The following ZNF83 variants were observed in gnomAD, a reference collection of about 807,000 sequenced individuals.
ZNF83 encodes zinc finger protein 816B.
For missense variants in ZNF83, 552 were observed against 629.9 expected (o/e 0.88, Z 1.32); for synonymous variants, 209 against 213.0 (o/e 0.98, Z 0.17).
intron 1 of ZNF83, among the ~76,000 whole-genome samples, chr19:52,682,290 T>C (rs1190095118): frequency 6.6e-6 from 1 of 152,182 alleles, no homozygotes; most frequent in Non-Finnish European, 1.5e-5. Flanking sequence ...TCTCCCAAGA[T>C]GGGAGGATCC....
chr19:52,658,495 G>T (rs1216170048), intron 2 of ZNF83, among the ~76,000 whole-genome samples: 1 of 152,138 alleles, frequency 6.6e-6, no homozygotes, highest in East Asian at 1.9e-4. Flanking sequence ...GAATCCAGAG[G>T]CAGAGGCTGG....
rs570095266 is a variant in ZNF83 at position 52,671,993 on chromosome 19, G to A, written c.-282-11150C>T. On this transcript the variant is annotated intron_variant, in intron 1 of 5. Coordinates refer to the ZNF83 transcript ENST00000594682. ...CACACCTGTAATCCCAGCACTTTGGGAGGTCGAGGCAGGTGGATGACCCAG... is the reference window on the plus strand; with the variant it reads ...CACACCTGTAATCCCAGCACTTTGGAAGGTCGAGGCAGGTGGATGACCCAG... Among the ~76,000 whole-genome samples, 27 of 152,256 alleles carry A rather than the reference G, an allele frequency of 1.8e-4. No homozygotes were observed. In the South Asian group the frequency reaches 5.2e-3, roughly 29 times the overall value.
At chr19:52,613,978 T>C (rs776781367) in exon 3 of ZNF83, 66 of 1,613,252 alleles carry the variant, frequency 4.1e-5, no homozygotes, top group Non-Finnish European at 5.6e-5. Context: ...ATGAATTCTT[T>C]GATGTTGTGC....
intron 2 of ZNF83, chr19:52,618,071 T>TA (rs1397209006): frequency 3.3e-5 from 5 of 152,358 alleles, no homozygotes; most frequent in Admixed American, 1.3e-4. Flanking sequence ...TGGATATCTT[T>TA]AAAGTCTGCC....
rs1555790540 is a variant in ZNF83 at position 52,673,500 on chromosome 19, T to TCTCACACACACA, written c.-282-12658_-282-12657insTGTGTGTGTGAG. Among the ~76,000 whole-genome samples the TCTCACACACACA allele has an allele frequency of 2.4e-3, 361 of 149,026 alleles. 1 individual carries two copies. Among genetic ancestry groups the TCTCACACACACA allele is most frequent in the Non-Finnish European group, 4.1e-3 (274 of 67,096 alleles). On this transcript the variant is annotated intron_variant, in intron 1 of 5. Transcript: ENST00000594682. Reference sequence around the variant, plus strand: ...GGTACACAAGAAGAGTGTAACTCCATCACACACACACACACACACAAAATG... The same window carrying TCTCACACACACA: ...GGTACACAAGAAGAGTGTAACTCCATCTCACACACACACACACACACACACACACACAAAATG...
chr19:52,629,062 C>A (rs957748260), intron 2 of ZNF83, among the ~76,000 whole-genome samples: 1 of 151,826 alleles, frequency 6.6e-6, no homozygotes, highest in African/African-American at 2.4e-5. Flanking sequence ...CTCCTTCTCC[C>A]TTTCCTGTGT....
intron 2 of ZNF83, 101 bp from the exon 3 acceptor site, chr19:52,614,898 T>G (rs1452851953): frequency 9.3e-7 from 1 of 1,075,098 alleles, no homozygotes; most frequent in Non-Finnish European, 1.2e-6. Flanking sequence ...AATACTTATG[T>G]TAAAGAAAGT....
At chr19:52,628,699 T>C (rs1025771774) in intron 2 of ZNF83, among the ~76,000 whole-genome samples, 4 of 152,044 alleles carry the variant, frequency 2.6e-5, no homozygotes, top group African/African-American at 9.7e-5. Context: ...CTTCTCTCTG[T>C]GTCTCTACCC....
intron 1 of ZNF83, among the ~76,000 whole-genome samples, chr19:52,680,354 C>T (rs771904902): frequency 6.6e-6 from 1 of 152,086 alleles, no homozygotes; most frequent in Admixed American, 6.6e-5. Flanking sequence ...AAGCCCTCTG[C>T]GCAGGGTTCA....
At chr19:52,666,882 A>G (rs2061661316) in intron 1 of ZNF83, among the ~76,000 whole-genome samples, 1 of 152,222 alleles carries the variant, frequency 6.6e-6, no homozygotes, top group African/African-American at 2.4e-5. Context: ...TGGGTATTCA[A>G]TAAGTGATAA....
At chr19:52,670,455 A>G (rs1161616020) in intron 1 of ZNF83, among the ~76,000 whole-genome samples, 1 of 152,206 alleles carries the variant, frequency 6.6e-6, no homozygotes, top group East Asian at 1.9e-4. Context: ...CTGTGAGGGC[A>G]CAACCTTCTA....
chr19:52,679,726 G>A (rs147980891), intron 1 of ZNF83, among the ~76,000 whole-genome samples: 2 of 152,302 alleles, frequency 1.3e-5, no homozygotes, highest in Middle Eastern at 3.4e-3. Flanking sequence ...TTTCCAGGGC[G>A]CCTCTGCCTA....
At chr19:52,651,056 G>A (rs1301253848) in intron 3 of ZNF83, 1 of 152,198 alleles carries the variant, frequency 6.6e-6, no homozygotes, top group Non-Finnish European at 1.5e-5. Context: ...CTTGAACTGT[G>A]CATGTCTCCC....
chr19:52,680,295 C>A (rs142095303), intron 1 of ZNF83, among the ~76,000 whole-genome samples: 7 of 152,146 alleles, frequency 4.6e-5, no homozygotes, highest in African/African-American at 1.7e-4. Context: ...ATTTTCATCA[C>A]CCACAGACTC....
chr19:52,650,769 G>A (rs1401384294), intron 3 of ZNF83: 1 of 152,202 alleles, frequency 6.6e-6, no homozygotes, highest in Non-Finnish European at 1.5e-5. Context: ...GGACAAACTT[G>A]TTAGGAAGTG....
chr19:52,635,150 A>G lies in ZNF83; in HGVS notation c.-318T>C. 1.6e-6 allele frequency: 1 copy of G among 643,500 alleles called. No individual in the cohort carries two copies. Among genetic ancestry groups the G allele is most frequent in the Non-Finnish European group, 2.8e-6 (1 of 358,720 alleles). The allele number at this position is 643,500 out of a possible 1,614,324, so 39.9% of individuals were successfully genotyped here. A position where few individuals can be genotyped will look rare whatever the true frequency, so the allele number is the denominator to read the frequency against. ...CATGTACCAAGAGTCCTTAGAAGTC[A>G]ATCCTGAATGTTAAAAATATGTTGT... On this transcript the variant is annotated 5_prime_UTR_variant, in exon 2 of 3. An upstream open reading frame in the 5' UTR loses its in-frame stop. Coordinates refer to ENST00000301096, the Ensembl canonical transcript of ZNF83.
chr19:52,662,980 C>G (rs913644131), intron 1 of ZNF83, among the ~76,000 whole-genome samples: 9 of 151,882 alleles, frequency 5.9e-5, no homozygotes, highest in Non-Finnish European at 1.2e-4. Context: ...CTGGGCAACA[C>G]GGTGAAATCC....
upstream of ZNF83, among the ~76,000 whole-genome samples, chr19:52,643,362 A>G (rs1298369072): frequency 1.3e-5 from 1 of 76,376 alleles, no homozygotes; most frequent in Non-Finnish European, 3.2e-5. Flanking sequence ...CTCAAATAGA[A>G]AAAAAAAAAA....
chr19:52,613,828 G>A, exon 3 of ZNF83: 1 of 1,614,104 alleles, frequency 6.2e-7, no homozygotes, highest in Non-Finnish European at 8.5e-7. Context: ...TACAAGGTAG[G>A]AATTGCGACT....
Sources: gnomAD v4.1 joint callset for allele counts (sites outside exome capture counted in the v4.1 genomes callset) on GRCh38, gnomAD v4.1.1 for gene constraint, MANE v1.5 for transcripts, NCBI Gene and HGNC (gene_info 2026-07-23, HGNC 2026-07-21) for gene names.